SH3RF1: variants seen among roughly 807,000 people sequenced by gnomAD.
The protein encoded by SH3RF1 is SH3 domain containing ring finger 1, also known as E3 ubiquitin-protein ligase SH3RF1.
A neutral mutation model predicts 74.0 loss-of-function variants in SH3RF1; 32 were observed. The observed-to-expected ratio is 0.43, with a 90% CI of 0.33 to 0.58. The LOEUF (loss-of-function observed/expected upper bound fraction) is 0.58, where lower values mean the gene tolerates loss of function less well. Ranked by LOEUF, SH3RF1 falls within the 20% of genes least tolerant of loss-of-function variation. SH3RF1 has a pLI of 0.05. For synonymous variants in SH3RF1, 396 were observed against 439.6 expected, an observed-to-expected ratio of 0.90 and a Z score of 1.24; for missense variants, 954 against 1,130.9, an observed-to-expected ratio of 0.84 and a Z score of 2.24.
chr4:169,177,224 C>T (rs1028998462), intron 2 of SH3RF1, among the ~76,000 whole-genome samples: 1 of 152,198 alleles, frequency 6.6e-6, no homozygotes, highest in African/African-American at 2.4e-5. Context: ...GCACACACAG[C>T]TGCCTGGTAA....
At chr4:169,246,587 AAT>A (rs1449737489) in intron 2 of SH3RF1, among the ~76,000 whole-genome samples, 1 of 152,268 alleles carries the variant, frequency 6.6e-6, no homozygotes, top group Admixed American at 6.5e-5. Flanking sequence ...TTTTAAACAT[AAT>A]TAGACTAATT....
chr4:169,266,706 C>T lies in SH3RF1; in HGVS notation c.393+2114G>A, dbSNP rs559618610. On this transcript the variant is annotated intron_variant, in intron 2 of 11. Transcript: ENST00000284637. ...ACTTGAACTCCTGGGCTCAAGTGAT[C>T]CTCCGGCCCCAGCCTCTGGAGTAGC... Among the ~76,000 whole-genome samples, 397 of 152,192 alleles carry T rather than the reference C, an allele frequency of 2.6e-3. 1 individual carries two copies. Among genetic ancestry groups the T allele is most frequent in the African/African-American group, 9.2e-3 (380 of 41,512 alleles).
At chr4:169,182,022 C>G (rs1397338937) in intron 2 of SH3RF1, among the ~76,000 whole-genome samples, 1 of 152,094 alleles carries the variant, frequency 6.6e-6, no homozygotes, top group African/African-American at 2.4e-5. Flanking sequence ...TCTTCAGGGT[C>G]TGGAGCTATG....
chr4:169,175,407 C>T (rs1275208044), intron 2 of SH3RF1, among the ~76,000 whole-genome samples: 1 of 152,190 alleles, frequency 6.6e-6, no homozygotes, highest in Non-Finnish European at 1.5e-5. Context: ...ATTCTTCTCC[C>T]ATCCCTACAT....
intron 2 of SH3RF1, among the ~76,000 whole-genome samples, chr4:169,227,213 T>A (rs1730665441): frequency 6.6e-6 from 1 of 151,616 alleles, no homozygotes; most frequent in Non-Finnish European, 1.5e-5. Flanking sequence ...TAATTCCAAT[T>A]AGAAAATGAT....
At chr4:169,220,578 G>A (rs982860408) in intron 2 of SH3RF1, among the ~76,000 whole-genome samples, 2 of 152,212 alleles carry the variant, frequency 1.3e-5, no homozygotes, top group African/African-American at 2.4e-5. Flanking sequence ...CCTGGCCTTC[G>A]GAGAGATTTT....
chr4:169,159,272 A>T (rs1734114125), intron 2 of SH3RF1, among the ~76,000 whole-genome samples: 1 of 152,196 alleles, frequency 6.6e-6, no homozygotes, highest in African/African-American at 2.4e-5. Flanking sequence ...ATGCCTCATT[A>T]TATTCTCCAC....
chr4:169,253,049 C>T (rs554873811), intron 2 of SH3RF1, among the ~76,000 whole-genome samples: 20 of 152,258 alleles, frequency 1.3e-4, no homozygotes, highest in African/African-American at 4.8e-4. Context: ...GAAAAATAAA[C>T]TTGCCTCTCA....
At chr4:169,240,626 A>C (rs72708552) in intron 2 of SH3RF1, among the ~76,000 whole-genome samples, 10,846 of 152,264 alleles carry the variant, frequency 0.071, 455 homozygotes, top group South Asian at 0.18. Context: ...TGCAGTGTAC[A>C]GCATTTTTAA....
intron 5 of SH3RF1, among the ~76,000 whole-genome samples, chr4:169,135,543 T>G (rs1410827697): frequency 6.6e-6 from 1 of 152,188 alleles, no homozygotes; most frequent in Admixed American, 6.5e-5. Flanking sequence ...AGCAGCCCCG[T>G]GGCTTGGGCA....
chr4:169,174,801 T>A (rs939616141), intron 2 of SH3RF1, among the ~76,000 whole-genome samples: 1 of 152,056 alleles, frequency 6.6e-6, no homozygotes, highest in Non-Finnish European at 1.5e-5. Context: ...GTCAGAAGCA[T>A]ACGGATTTTG....
intron 2 of SH3RF1, among the ~76,000 whole-genome samples, chr4:169,266,840 T>A (rs1263637878): frequency 1.3e-5 from 2 of 152,232 alleles, no homozygotes; most frequent in African/African-American, 4.8e-5. Context: ...AAGTATTGCA[T>A]CAATTGCATC....
rs1029345979 is a variant in SH3RF1, at chr4:169,211,374, T to C, written c.394-54695A>G. Among the ~76,000 whole-genome samples the C allele has an allele frequency of 2.1e-4, 31 of 148,122 alleles. 1 individual carries two copies. The highest frequency in any genetic ancestry group is 2.1e-3 in the Admixed American group (30 of 14,490). On this transcript the variant is annotated intron_variant, in intron 2 of 11. Coordinates refer to ENST00000284637, the MANE Select transcript of SH3RF1 (RefSeq NM_020870.4). ...GCAGACGCCTGTAGCCCCAGCTACT[T>C]GGGAGGCTGAGGCAGGAGAATGGCA...
chr4:169,116,662 T>C (rs776425133), intron 9 of SH3RF1, 32 bp from the exon 10 acceptor site: 2 of 1,511,936 alleles, frequency 1.3e-6, no homozygotes, highest in East Asian at 2.3e-5. Context: ...CACAGCAAAA[T>C]TCAACTATCT....
chr4:169,135,843 T>G lies in SH3RF1; in HGVS notation c.1068+475A>C, dbSNP rs80003467. ...CAATTTCTAATTTAAATTAAATGCT[T>G]CTTTCTGTCCTTGCTCTTTTTCTCT... is the stretch of plus-strand genomic sequence containing the variant. On this transcript the variant is annotated intron_variant, in intron 5 of 11. Transcript: ENST00000284637. Among the ~76,000 whole-genome samples the G allele has an allele frequency of 4.1e-3, 632 of 152,346 alleles. 35 individuals carry two copies. The East Asian group carries it at 0.11, about 27-fold the overall frequency.
intron 2 of SH3RF1, among the ~76,000 whole-genome samples, chr4:169,199,591 T>G (rs1168734794): frequency 6.6e-6 from 1 of 151,588 alleles, no homozygotes; most frequent in East Asian, 1.9e-4. Flanking sequence ...CAAATGGTCC[T>G]GGAAAATGTG....
At position 169,107,157 on chromosome 4, in the gene SH3RF1, G is replaced by T; in HGVS notation, c.2188C>A (p.Arg730=). ...LKLLSGASTK[R]KPRVSPPASP... ...GCTGGAGGAGACACGCGGGGCTTCC[G>T]TTTAGTGGAGGCGCCAGAAAGCAAC... is the stretch of plus-strand genomic sequence containing the variant. The change falls in exon 11 of 12, where the codon CGG becomes AGG. Residue 730 remains arginine (R), a synonymous_variant. Coordinates refer to ENST00000284637, the MANE Select transcript of SH3RF1 (RefSeq NM_020870.4). 6.4e-7 allele frequency: 1 copy of T among 1,571,396 alleles called. No individual in the cohort carries two copies. The highest frequency in any genetic ancestry group is 8.6e-7 in the Non-Finnish European group (1 of 1,160,778).
chr4:169,255,614 T>TACACACAC lies in SH3RF1; in HGVS notation c.393+13205_393+13206insGTGTGTGT, dbSNP rs1192993515. 2.7e-4 allele frequency among the ~76,000 whole-genome samples: 16 copies of TACACACAC among 59,144 alleles called. No individual in the cohort carries two copies. In the East Asian group the frequency reaches 4.4e-3, roughly 16 times the overall value. 38.8% of individuals were successfully genotyped at this position (59,144 alleles called of 152,430 possible). On this transcript the variant is annotated intron_variant, in intron 2 of 11. Transcript: ENST00000284637. The stretch of plus-strand genomic sequence containing the variant: ...ATGCATGGATACATACACACATACA[T>TACACACAC]ACACACATACACACACACACACACA...
chr4:169,234,031 C>T (rs1730786089), intron 2 of SH3RF1, among the ~76,000 whole-genome samples: 1 of 152,078 alleles, frequency 6.6e-6, no homozygotes, highest in Non-Finnish European at 1.5e-5. Context: ...TGTTGTTTTT[C>T]CTTTCTGATG....
Sources: allele counts gnomAD v4.1 joint callset (sites outside exome capture counted in the v4.1 genomes callset), GRCh38; gene constraint gnomAD v4.1.1; transcripts MANE v1.5; gene names NCBI Gene and HGNC (gene_info 2026-07-23, HGNC 2026-07-21).